NBEA: variants seen among roughly 807,000 people sequenced by gnomAD.
NBEA encodes neurobeachin.
In NBEA, 44 loss-of-function variants were observed where a neutral mutation model predicts 343.4. That is an observed-to-expected ratio of 0.13 (90% CI 0.10 to 0.16). The LOEUF (loss-of-function observed/expected upper bound fraction) is 0.16. Ranked by LOEUF, NBEA falls within the 10% of genes least tolerant of loss-of-function variation. The pLI, the probability that NBEA is intolerant of heterozygous loss-of-function variation, is 1.00. For missense variants in NBEA, 2,555 were observed against 3,631.3 expected (o/e 0.70, Z 7.62); for synonymous variants, 1,175 against 1,238.7 (o/e 0.95, Z 1.08).
At chr13:35,233,173 C>T (rs971024882) in intron 34 of NBEA, among the ~76,000 whole-genome samples, 7 of 152,000 alleles carry the variant, frequency 4.6e-5, no homozygotes, top group Non-Finnish European at 7.4e-5. Flanking sequence ...TAATCAAAAT[C>T]GTATTTCTTT....
At chr13:35,350,289 A>T (rs771407774) in intron 37 of NBEA, among the ~76,000 whole-genome samples, 4 of 152,186 alleles carry the variant, frequency 2.6e-5, no homozygotes, top group Non-Finnish European at 5.9e-5. Flanking sequence ...CCAAGGTGAC[A>T]TTAAGCCAAG....
chr13:35,351,033 T>C (rs978135754), intron 37 of NBEA, among the ~76,000 whole-genome samples: 5 of 152,042 alleles, frequency 3.3e-5, no homozygotes, highest in African/African-American at 1.2e-4. Flanking sequence ...CAGATCGTTG[T>C]ACTAATTGGT....
At chr13:34,964,600 A>G (rs1001620550) in intron 1 of NBEA, among the ~76,000 whole-genome samples, 6 of 151,952 alleles carry the variant, frequency 3.9e-5, no homozygotes, top group African/African-American at 1.2e-4. Context: ...TGTCTGCACT[A>G]TTGAGAGTGA....
At chr13:35,135,876 G>A (rs1428135934) in intron 17 of NBEA, among the ~76,000 whole-genome samples, 3 of 151,876 alleles carry the variant, frequency 2.0e-5, no homozygotes, top group Admixed American at 6.6e-5. Context: ...TGAAGGTGGA[G>A]AAGAAGCCTT....
chr13:35,026,177 A>G (rs1474509431), intron 1 of NBEA, among the ~76,000 whole-genome samples: 1 of 152,026 alleles, frequency 6.6e-6, no homozygotes, highest in Non-Finnish European at 1.5e-5. Context: ...GCTTGCCCTC[A>G]TTCTGTCTCC....
At chr13:35,155,168 A>C (rs2069080698) in intron 18 of NBEA, among the ~76,000 whole-genome samples, 1 of 151,380 alleles carries the variant, frequency 6.6e-6, no homozygotes, top group African/African-American at 2.4e-5. Context: ...GTAGTTCATA[A>C]ATAATTTTAG....
intron 33 of NBEA, among the ~76,000 whole-genome samples, chr13:35,225,249 T>C (rs2074587591): frequency 6.6e-6 from 1 of 152,114 alleles, no homozygotes; most frequent in African/African-American, 2.4e-5. Flanking sequence ...TTTCAGTGAT[T>C]TTATGTATTT....
At chr13:34,948,320 C>T (rs2059250359) in intron 1 of NBEA, among the ~76,000 whole-genome samples, 1 of 150,926 alleles carries the variant, frequency 6.6e-6, no homozygotes, top group Non-Finnish European at 1.5e-5. Context: ...AACATTTAAC[C>T]CAAGGGTAGC....
intron 10 of NBEA, among the ~76,000 whole-genome samples, chr13:35,089,624 G>A (rs1187802853): frequency 1.3e-3 from 168 of 125,716 alleles, no homozygotes; most frequent in Non-Finnish European, 2.3e-3. Context: ...TGTTTATTGC[G>A]GCATTATTCA....
At chr13:34,988,706 T>C (rs2060646631) in intron 1 of NBEA, among the ~76,000 whole-genome samples, 1 of 151,254 alleles carries the variant, frequency 6.6e-6, no homozygotes, top group South Asian at 2.1e-4. Flanking sequence ...ATGTTCTTTG[T>C]ATTTGGTGAT....
chr13:35,172,520 C>G (rs1836222017), intron 26 of NBEA, among the ~76,000 whole-genome samples: 1 of 151,870 alleles, frequency 6.6e-6, no homozygotes, highest in Non-Finnish European at 1.5e-5. Flanking sequence ...TTATTCTGTA[C>G]TTTTATTTTT....
At chr13:35,464,839 T>C (rs1469988270) in intron 40 of NBEA, among the ~76,000 whole-genome samples, 2 of 152,212 alleles carry the variant, frequency 1.3e-5, no homozygotes, top group Non-Finnish European at 2.9e-5. Flanking sequence ...GTGGGTAAAA[T>C]GTATGTCTTA....
At chr13:35,052,331 C>G (rs1034934258) in intron 6 of NBEA, among the ~76,000 whole-genome samples, 1 of 151,988 alleles carries the variant, frequency 6.6e-6, no homozygotes, top group Non-Finnish European at 1.5e-5. Flanking sequence ...ACTTAACCAG[C>G]TGTTAGAACT....
intron 33 of NBEA, among the ~76,000 whole-genome samples, chr13:35,222,128 G>T (rs1015113137): frequency 3.3e-5 from 5 of 151,936 alleles, no homozygotes; most frequent in African/African-American, 1.2e-4. Flanking sequence ...ATGTTAAAAT[G>T]GCTTGGTTTT....
intron 47 of NBEA, among the ~76,000 whole-genome samples, chr13:35,602,535 A>C (rs546774677): frequency 1.3e-5 from 2 of 152,330 alleles, no homozygotes; most frequent in East Asian, 3.9e-4. Flanking sequence ...GTGCTTCAGA[A>C]GTTTCTTTCT....
chr13:35,294,940 G>A (rs767205861), intron 35 of NBEA, among the ~76,000 whole-genome samples: 60 of 151,720 alleles, frequency 4.0e-4, no homozygotes, highest in Non-Finnish European at 6.0e-4. Context: ...GGTCTGGAGA[G>A]GAATGAGTCT....
chr13:35,582,147 A>G (rs963342316), intron 45 of NBEA, among the ~76,000 whole-genome samples: 9 of 151,872 alleles, frequency 5.9e-5, no homozygotes, highest in Non-Finnish European at 1.0e-4. Flanking sequence ...TTAGCTGGGC[A>G]TGGTGGCGGG....
At chr13:35,359,447 T>A (rs903981275) in intron 38 of NBEA, among the ~76,000 whole-genome samples, 1 of 152,196 alleles carries the variant, frequency 6.6e-6, no homozygotes, top group Non-Finnish European at 1.5e-5. Flanking sequence ...ATATCCCTGT[T>A]CTCAAATATA....
chr13:35,107,274 G>A (rs945489091), intron 11 of NBEA, among the ~76,000 whole-genome samples: 2 of 147,874 alleles, frequency 1.4e-5, no homozygotes, highest in African/African-American at 5.1e-5. Context: ...ACTTGTTTTG[G>A]TTCCCCCCCC....
Sources: allele counts gnomAD v4.1 joint callset (sites outside exome capture counted in the v4.1 genomes callset), GRCh38; gene constraint gnomAD v4.1.1; transcripts MANE v1.5; gene names NCBI Gene and HGNC (gene_info 2026-07-23, HGNC 2026-07-21).